ABI1: variants seen among roughly 807,000 people sequenced by gnomAD.
The protein encoded by ABI1 is abl interactor 1, also known as Abelson interactor 1.
In ABI1, 14 loss-of-function variants were observed where a neutral mutation model predicts 54.6. The observed-to-expected ratio is 0.26, with a 90% CI of 0.17 to 0.40. The LOEUF (loss-of-function observed/expected upper bound fraction) is 0.40. Ranked by LOEUF, ABI1 falls within the 10% of genes least tolerant of loss-of-function variation. ABI1 has a pLI of 1.00. For missense variants in ABI1, 443 were observed against 598.3 expected (o/e 0.74, Z 2.71); for synonymous variants, 194 against 209.3 (o/e 0.93, Z 0.63).
chr10:26,778,719 G>C (rs1841740888), intron 2 of ABI1, among the ~76,000 whole-genome samples: 1 of 152,056 alleles, frequency 6.6e-6, no homozygotes, highest in Non-Finnish European at 1.5e-5. Context: ...AACTCCCTTT[G>C]TTCTGGATGT....
intron 2 of ABI1, among the ~76,000 whole-genome samples, chr10:26,786,829 C>T (rs74126847): frequency 0.024 from 3,721 of 152,266 alleles, 153 homozygotes; most frequent in African/African-American, 0.084. Flanking sequence ...ACCATATATA[C>T]ACACAAACTT....
At position 26,777,152 on chromosome 10, in the gene ABI1, T is replaced by C; in HGVS notation, c.375A>G (p.Ile125Met). Residue 125 changes from isoleucine (I) to methionine (M), a missense_variant, in exon 3 of 11, where the codon ATA (isoleucine) becomes ATG (methionine). Ile to Met is a conservative substitution (Grantham distance 10). Transcript: ENST00000376140. ...NKNTSRTHKI[I>M]APANMERPVR... is the part of the protein sequence containing the mutation. ...CAGGGCGCTCCATATTCGCAGGTGC[T>C]ATTATTTTGTGAGTTCTTGATGTAT... The C allele has an allele frequency of 6.2e-7, 1 of 1,614,000 alleles. No individual in the cohort carries two copies. Among genetic ancestry groups the C allele is most frequent in the Non-Finnish European group, 8.5e-7 (1 of 1,179,906 alleles).
At chr10:26,828,058 T>C (rs1022043196) in intron 1 of ABI1, among the ~76,000 whole-genome samples, 3 of 152,230 alleles carry the variant, frequency 2.0e-5, no homozygotes, top group African/African-American at 7.2e-5. Context: ...CTCCCATTAG[T>C]AGTTTTTTAT....
chr10:26,796,518 G>A (rs1844188162), intron 2 of ABI1, among the ~76,000 whole-genome samples: 1 of 152,128 alleles, frequency 6.6e-6, no homozygotes, highest in South Asian at 2.1e-4. Flanking sequence ...ACAGTAGGCT[G>A]TACTATCTAG....
At chr10:26,852,884 C>T (rs867061964) in intron 1 of ABI1, among the ~76,000 whole-genome samples, 13 of 152,128 alleles carry the variant, frequency 8.5e-5, no homozygotes, top group South Asian at 8.3e-4. Flanking sequence ...CTGGGCAACA[C>T]GGCAAAATCC....
intron 1 of ABI1, among the ~76,000 whole-genome samples, chr10:26,837,670 G>A (rs564167098): frequency 1.3e-5 from 2 of 151,942 alleles, no homozygotes; most frequent in East Asian, 1.9e-4. Flanking sequence ...AGAGTGCAGT[G>A]GTGCAATCCA....
At chr10:26,811,771 TTG>T (rs2047248726) in intron 2 of ABI1, among the ~76,000 whole-genome samples, 1 of 132,648 alleles carries the variant, frequency 7.5e-6, no homozygotes, top group African/African-American at 2.8e-5. Flanking sequence ...TTGTATAAAT[TTG>T]TATAAATTTA....
At chr10:26,842,525 G>C (rs972868161) in intron 1 of ABI1, among the ~76,000 whole-genome samples, 2 of 152,090 alleles carry the variant, frequency 1.3e-5, no homozygotes, top group Non-Finnish European at 2.9e-5. Flanking sequence ...TATCTGGTGA[G>C]CTTTTTAAAA....
At chr10:26,792,443 G>C (rs1178380366) in intron 2 of ABI1, among the ~76,000 whole-genome samples, 2 of 152,082 alleles carry the variant, frequency 1.3e-5, no homozygotes, top group African/African-American at 4.8e-5. Flanking sequence ...AAGCACAGGG[G>C]ACAGCATAAG....
chr10:26,807,171 A>T (rs2046928268), intron 2 of ABI1, among the ~76,000 whole-genome samples: 1 of 152,222 alleles, frequency 6.6e-6, no homozygotes, highest in Middle Eastern at 3.2e-3. Flanking sequence ...AAGAAAAAAC[A>T]AACAAAAAAT....
At chr10:26,843,661 G>A (rs894223323) in intron 1 of ABI1, among the ~76,000 whole-genome samples, 1 of 151,128 alleles carries the variant, frequency 6.6e-6, no homozygotes, top group African/African-American at 2.4e-5. Flanking sequence ...AAAAATGAGA[G>A]TGGCAGGATT....
In ABI1 at chr10:26,847,485, C is replaced by A. The variant is rs562479276; in HGVS notation, c.117+13262G>T. Among the ~76,000 whole-genome samples the A allele has an allele frequency of 2.0e-5, 3 of 151,970 alleles. No homozygotes were observed. In the South Asian group the frequency reaches 6.3e-4, roughly 32 times the overall value. On this transcript the variant is annotated intron_variant, in intron 1 of 10. Transcript: ENST00000376140. ...AAAAAAATAACAAAAATTAGCCAAG[C>A]GTGATGGTGCACACCTGTAGTCCCA...
chr10:26,799,826 AT>A (rs911356937), intron 2 of ABI1, among the ~76,000 whole-genome samples: 1 of 152,170 alleles, frequency 6.6e-6, no homozygotes, highest in African/African-American at 2.4e-5. Context: ...ATTGAAAAAA[AT>A]TCCTCTGACA....
chr10:26,756,470 G>T (rs889598355), intron 8 of ABI1, among the ~76,000 whole-genome samples: 6 of 152,068 alleles, frequency 3.9e-5, no homozygotes, highest in African/African-American at 1.2e-4. Context: ...TCACTGTTCT[G>T]AAAAAGGAAA....
chr10:26,777,829 T>C (rs1307030109), intron 2 of ABI1, among the ~76,000 whole-genome samples: 1 of 152,102 alleles, frequency 6.6e-6, no homozygotes, highest in East Asian at 1.9e-4. Context: ...CTGGTATGAG[T>C]AGCTGACACT....
chr10:26,852,947 A>C (rs1489316160), intron 1 of ABI1, among the ~76,000 whole-genome samples: 1 of 152,054 alleles, frequency 6.6e-6, no homozygotes, highest in Non-Finnish European at 1.5e-5. Flanking sequence ...TCATTAACAG[A>C]TTTTCTTCAT....
chr10:26,844,798 G>A (rs1166054528), intron 1 of ABI1, among the ~76,000 whole-genome samples: 2 of 152,202 alleles, frequency 1.3e-5, no homozygotes, highest in African/African-American at 4.8e-5. Flanking sequence ...TTTTCCCGCA[G>A]CCACCCATAT....
At chr10:26,774,917 A>G (rs1290343063) in intron 3 of ABI1, among the ~76,000 whole-genome samples, 1 of 152,098 alleles carries the variant, frequency 6.6e-6, no homozygotes. Flanking sequence ...ATATTTGCCA[A>G]TATATGAGGG....
intron 2 of ABI1, among the ~76,000 whole-genome samples, chr10:26,796,240 C>G (rs957047683): frequency 1.3e-5 from 2 of 152,120 alleles, no homozygotes; most frequent in African/African-American, 4.8e-5. Context: ...ATGTACAACA[C>G]GAGGACTACA....
Sources: allele counts gnomAD v4.1 joint callset (sites outside exome capture counted in the v4.1 genomes callset), GRCh38; gene constraint gnomAD v4.1.1; transcripts MANE v1.5; gene names NCBI Gene and HGNC (gene_info 2026-07-23, HGNC 2026-07-21).